SAMD5: variants seen among roughly 807,000 people sequenced by gnomAD.
SAMD5 encodes sterile alpha motif domain containing 5, also known as sterile alpha motif domain-containing protein 5.
A neutral mutation model predicts 11.3 loss-of-function variants in SAMD5; 13 were observed. The observed-to-expected ratio is 1.15, with a 90% CI of 0.75 to 1.83. SAMD5 has a LOEUF of 1.83. SAMD5 is among the 40% of genes most tolerant of loss of function. The pLI, the probability that SAMD5 is intolerant of heterozygous loss-of-function variation, is 0.00. For missense variants in SAMD5, 255 were observed against 239.1 expected (o/e 1.07, Z -0.44); for synonymous variants, 129 against 111.3 (o/e 1.16, Z -1.00).
At chr6:147,612,688 C>T (rs115916891) in intron 1 of SAMD5, among the ~76,000 whole-genome samples, 2,792 of 152,174 alleles carry the variant, frequency 0.018, 77 homozygotes, top group African/African-American at 0.063. Context: ...CCTCAGAAAC[C>T]CGTGGAAGCA....
intron 1 of SAMD5, among the ~76,000 whole-genome samples, chr6:147,708,606 T>C (rs1474791333): frequency 6.6e-6 from 1 of 152,198 alleles, no homozygotes; most frequent in Non-Finnish European, 1.5e-5. Flanking sequence ...TCTAGAAATA[T>C]ATTTGAATCC....
intron 1 of SAMD5, among the ~76,000 whole-genome samples, chr6:147,631,103 A>G (rs372627013): frequency 3.3e-5 from 5 of 152,116 alleles, no homozygotes; most frequent in African/African-American, 1.2e-4. Context: ...GCAGCATGGG[A>G]ACCTAGAGTG....
the SAMD5 span, among the ~76,000 whole-genome samples, chr6:147,905,042 C>T: frequency 6.6e-6 from 1 of 152,098 alleles, no homozygotes; most frequent in Admixed American, 6.6e-5. Context: ...GCATGCGCCA[C>T]CACGCCCAGC....
intron 1 of SAMD5, among the ~76,000 whole-genome samples, chr6:147,557,262 G>T (rs532613567): frequency 1.3e-5 from 2 of 152,288 alleles, no homozygotes; most frequent in South Asian, 2.1e-4. Context: ...TTGTATCAAT[G>T]AAGGGATTAA....
chr6:147,650,967 G>T (rs200602405), intron 1 of SAMD5, among the ~76,000 whole-genome samples: 2 of 136,800 alleles, frequency 1.5e-5, no homozygotes, highest in Non-Finnish European at 3.2e-5. Context: ...TATTACTTAT[G>T]AATTTCTATT....
At chr6:147,815,104 A>T in the SAMD5 span, among the ~76,000 whole-genome samples, 2 of 152,236 alleles carry the variant, frequency 1.3e-5, no homozygotes, top group African/African-American at 4.8e-5. Context: ...ATGGTTTGGG[A>T]GTTCCTAGAT....
intron 1 of SAMD5, chr6:147,729,877 G>C: frequency 2.2e-6 from 1 of 455,192 alleles, no homozygotes; most frequent in Non-Finnish European, 4.4e-6. Flanking sequence ...CTGAGGTCAG[G>C]AGTTCAAGAC....
At chr6:147,796,716 ATTTG>A in the SAMD5 span, among the ~76,000 whole-genome samples, 1 of 152,150 alleles carries the variant, frequency 6.6e-6, no homozygotes, top group Non-Finnish European at 1.5e-5. Flanking sequence ...ATGTTGTTCC[ATTTG>A]TTTGTATCCT....
At chr6:147,597,568 A>C (rs916608324) in intron 1 of SAMD5, among the ~76,000 whole-genome samples, 1 of 152,246 alleles carries the variant, frequency 6.6e-6, no homozygotes, top group Admixed American at 6.5e-5. Context: ...CGTACTTACA[A>C]AATTAAACAT....
intron 1 of SAMD5, among the ~76,000 whole-genome samples, chr6:147,601,078 A>G (rs1789607789): frequency 6.6e-6 from 1 of 152,198 alleles, no homozygotes; most frequent in Non-Finnish European, 1.5e-5. Context: ...CAGATTTATT[A>G]GCTTTCTATT....
At chr6:147,943,841 G>A in the SAMD5 span, among the ~76,000 whole-genome samples, 1 of 152,082 alleles carries the variant, frequency 6.6e-6, no homozygotes, top group South Asian at 2.1e-4. Context: ...ATTTACAGCT[G>A]GTGCCTAAAA....
chr6:147,915,028 AG>A, the SAMD5 span, among the ~76,000 whole-genome samples: 1 of 152,208 alleles, frequency 6.6e-6, no homozygotes, highest in Non-Finnish European at 1.5e-5. Context: ...AACTAATCTC[AG>A]TATCTGACCC....
chr6:147,875,965 C>T, the SAMD5 span, among the ~76,000 whole-genome samples: 1 of 152,144 alleles, frequency 6.6e-6, no homozygotes, highest in Non-Finnish European at 1.5e-5. Flanking sequence ...CTTGAATCAT[C>T]CCAAAACATC....
At chr6:147,881,532 G>A in the SAMD5 span, among the ~76,000 whole-genome samples, 9 of 152,090 alleles carry the variant, frequency 5.9e-5, no homozygotes, top group African/African-American at 1.4e-4. Flanking sequence ...GCCTCCATAC[G>A]GTAGAGGTGT....
chr6:147,946,452 G>C, the SAMD5 span, among the ~76,000 whole-genome samples: 1 of 152,164 alleles, frequency 6.6e-6, no homozygotes, highest in African/African-American at 2.4e-5. Context: ...GAGCAGTAGA[G>C]GTGACTTTTG....
At chr6:147,551,072 C>T (rs1788763971) in intron 1 of SAMD5, among the ~76,000 whole-genome samples, 2 of 152,172 alleles carry the variant, frequency 1.3e-5, no homozygotes, top group South Asian at 4.1e-4. Context: ...GGATAGCTGT[C>T]ATTCTGTAAT....
chr6:147,925,682 C>CTTTTTT, the SAMD5 span, among the ~76,000 whole-genome samples: 2 of 115,278 alleles, frequency 1.7e-5, no homozygotes, highest in Non-Finnish European at 3.6e-5. Context: ...ACTGAGAATT[C>CTTTTTT]TTTTTTTTTT....
chr6:147,751,165 C>T, the SAMD5 span, among the ~76,000 whole-genome samples: 2 of 152,048 alleles, frequency 1.3e-5, no homozygotes, highest in African/African-American at 4.8e-5. Flanking sequence ...GTTCTCTTGT[C>T]GAGACCCTTC....
intron 1 of SAMD5, among the ~76,000 whole-genome samples, chr6:147,577,129 A>T (rs1789228188): frequency 6.6e-6 from 1 of 152,238 alleles, no homozygotes; most frequent in South Asian, 2.1e-4. Context: ...CCTAAATTGA[A>T]GGAATTTGTA....
Sources: gnomAD v4.1 joint callset for allele counts (sites outside exome capture counted in the v4.1 genomes callset) on GRCh38, gnomAD v4.1.1 for gene constraint, MANE v1.5 for transcripts, NCBI Gene and HGNC (gene_info 2026-07-23, HGNC 2026-07-21) for gene names.